The following NDST4 variants were observed in gnomAD, a reference collection of about 807,000 sequenced individuals.
The protein encoded by NDST4 is N-deacetylase and N-sulfotransferase 4.
A neutral mutation model predicts 100.8 loss-of-function variants in NDST4; 63 were observed. The ratio of observed to expected loss-of-function variants is 0.62; its 90% CI spans 0.51 to 0.77. The LOEUF (loss-of-function observed/expected upper bound fraction) is 0.77, where lower values mean the gene tolerates loss of function less well. Ranked by LOEUF, NDST4 falls within the 30% of genes least tolerant of loss-of-function variation. The probability of loss-of-function intolerance (pLI) is 0.00; values close to 1 mark genes in which losing one functional copy is unlikely to be tolerated. For missense variants in NDST4, 943 were observed against 1,018.4 expected (o/e 0.93, Z 1.01); for synonymous variants, 377 against 361.8 (o/e 1.04, Z -0.48).
At chr4:114,919,160 A>C (rs183441854) in intron 6 of NDST4, among the ~76,000 whole-genome samples, 4 of 152,378 alleles carry the variant, frequency 2.6e-5, no homozygotes, top group Non-Finnish European at 5.9e-5. Context: ...TACAGTGGTT[A>C]AAATTCAAAT....
intron 2 of NDST4, among the ~76,000 whole-genome samples, chr4:115,027,080 C>G (rs1380200966): frequency 6.6e-6 from 1 of 152,118 alleles, no homozygotes; most frequent in Admixed American, 6.6e-5. Context: ...TTGGAGTGTT[C>G]ATGGGTTCTT....
chr4:115,105,576 C>G (rs1297562397), intron 1 of NDST4, among the ~76,000 whole-genome samples: 1 of 152,102 alleles, frequency 6.6e-6, no homozygotes, highest in East Asian at 1.9e-4. Flanking sequence ...CATTCTAAAA[C>G]CTTTGTCCAT....
intron 7 of NDST4, among the ~76,000 whole-genome samples, chr4:114,855,258 T>C (rs1723768201): frequency 6.6e-6 from 1 of 152,194 alleles, no homozygotes; most frequent in Non-Finnish European, 1.5e-5. Context: ...TTGTTTCCTT[T>C]GCTGTGCAGC....
intron 7 of NDST4, among the ~76,000 whole-genome samples, chr4:114,868,719 C>T (rs1308154267): frequency 6.6e-6 from 1 of 151,684 alleles, no homozygotes; most frequent in African/African-American, 2.4e-5. Context: ...CAAAGGGAGT[C>T]TTTCAGTAGG....
intron 11 of NDST4, among the ~76,000 whole-genome samples, chr4:114,837,042 C>A (rs1165429727): frequency 1.3e-5 from 2 of 152,038 alleles, no homozygotes; most frequent in Non-Finnish European, 1.5e-5. Flanking sequence ...TGCTTAGCTT[C>A]CTTGCATTGG....
chr4:115,018,375 ATC>A (rs1159147228), intron 2 of NDST4, among the ~76,000 whole-genome samples: 2 of 151,854 alleles, frequency 1.3e-5, no homozygotes, highest in Admixed American at 6.6e-5. Flanking sequence ...TGTTTACAAA[ATC>A]TCTTTTTCCA....
chr4:114,985,525 A>G (rs1171201904), intron 2 of NDST4, among the ~76,000 whole-genome samples: 1 of 152,170 alleles, frequency 6.6e-6, no homozygotes, highest in African/African-American at 2.4e-5. Context: ...TGACCTTTTT[A>G]TTAATCCTGT....
intron 2 of NDST4, among the ~76,000 whole-genome samples, chr4:115,053,457 T>A (rs1303592021): frequency 6.6e-6 from 1 of 152,078 alleles, no homozygotes; most frequent in Non-Finnish European, 1.5e-5. Flanking sequence ...ATAAAGTATA[T>A]ACTCCTGCAT....
intron 1 of NDST4, among the ~76,000 whole-genome samples, chr4:115,101,672 G>A (rs1729732567): frequency 6.6e-6 from 1 of 152,084 alleles, no homozygotes; most frequent in African/African-American, 2.4e-5. Flanking sequence ...GCAGTCCAGT[G>A]GTATAGTGAA....
chr4:115,101,655 T>C (rs1264114626), intron 1 of NDST4, among the ~76,000 whole-genome samples: 1 of 152,114 alleles, frequency 6.6e-6, no homozygotes, highest in Non-Finnish European at 1.5e-5. Flanking sequence ...CTGGTGGTGG[T>C]GTTAAAGCAG....
intron 10 of NDST4, chr4:114,842,584 G>A (rs1024545753): frequency 6.0e-6 from 1 of 166,848 alleles, no homozygotes; most frequent in Non-Finnish European, 1.2e-5. Context: ...GAGTTCAGGA[G>A]ATTGGGGAAA....
At chr4:114,991,108 C>T (rs967570936) in intron 2 of NDST4, among the ~76,000 whole-genome samples, 22 of 152,002 alleles carry the variant, frequency 1.4e-4, no homozygotes, top group South Asian at 8.3e-4. Context: ...ATAGCTCTTT[C>T]GGATTTCTAA....
chr4:114,962,928 T>C (rs1726296792), intron 4 of NDST4, among the ~76,000 whole-genome samples: 1 of 152,114 alleles, frequency 6.6e-6, no homozygotes, highest in Non-Finnish European at 1.5e-5. Flanking sequence ...CAAGGGTTGG[T>C]GAGAGCAATT....
At chr4:114,927,066 A>G (rs1725400130) in intron 6 of NDST4, among the ~76,000 whole-genome samples, 2 of 152,034 alleles carry the variant, frequency 1.3e-5, no homozygotes, top group Admixed American at 1.3e-4. Context: ...GCTTCCCTCA[A>G]TATATCTACC....
At chr4:114,847,400 A>T (rs1378158081) in intron 9 of NDST4, among the ~76,000 whole-genome samples, 1 of 124,070 alleles carries the variant, frequency 8.1e-6, no homozygotes, top group Non-Finnish European at 1.5e-5. Flanking sequence ...AAAAAAAAAA[A>T]AAAAAAAAAA....
intron 6 of NDST4, among the ~76,000 whole-genome samples, chr4:114,921,698 G>A (rs1399302673): frequency 6.6e-6 from 1 of 151,920 alleles, no homozygotes; most frequent in Admixed American, 6.6e-5. Context: ...CTTATTCTTC[G>A]CTATTTAGTA....
At chr4:114,952,657 T>C (rs955235279) in intron 4 of NDST4, among the ~76,000 whole-genome samples, 3 of 152,228 alleles carry the variant, frequency 2.0e-5, no homozygotes, top group Non-Finnish European at 1.5e-5. Context: ...TTGGTGAAAA[T>C]AGGAATTGAC....
At chr4:114,905,721 A>C (rs1724935599) in intron 6 of NDST4, among the ~76,000 whole-genome samples, 1 of 151,996 alleles carries the variant, frequency 6.6e-6, no homozygotes, top group Non-Finnish European at 1.5e-5. Context: ...TATCCAATTA[A>C]TTTTGAATGA....
intron 2 of NDST4, among the ~76,000 whole-genome samples, chr4:115,048,583 A>C (rs1728514092): frequency 6.6e-6 from 1 of 151,852 alleles, no homozygotes; most frequent in Admixed American, 6.6e-5. Context: ...ACCGTGCCCG[A>C]CCCACATTAT....
Sources: allele counts gnomAD v4.1 joint callset (sites outside exome capture counted in the v4.1 genomes callset), GRCh38; gene constraint gnomAD v4.1.1; transcripts MANE v1.5; gene names NCBI Gene and HGNC (gene_info 2026-07-23, HGNC 2026-07-21).